EPS8L1: variants seen among roughly 807,000 people sequenced by gnomAD.
The protein encoded by EPS8L1 is EPS8 signaling adaptor L1.
In EPS8L1, 101 loss-of-function variants were observed where a neutral mutation model predicts 91.7. The ratio of observed to expected loss-of-function variants is 1.10; its 90% CI spans 0.94 to 1.30. The LOEUF (loss-of-function observed/expected upper bound fraction) is 1.30. EPS8L1 is among the 50% of genes most tolerant of loss of function. EPS8L1 has a pLI of 0.00. For missense variants in EPS8L1, 1,114 were observed against 1,017.0 expected, an observed-to-expected ratio of 1.10 and a Z score of -1.30; for synonymous variants, 506 against 445.3, an observed-to-expected ratio of 1.14 and a Z score of -1.72.
intron 11 of EPS8L1, 21 bp from the exon 12 acceptor site, chr19:55,082,433 C>A (rs747594420): frequency 8.1e-6 from 13 of 1,610,888 alleles, no homozygotes. Context: ...GCACAGCCTG[C>A]CCCTCCTGCT....
chr19:55,080,545 G>T (rs1165340884), intron 6 of EPS8L1: 1 of 1,612,336 alleles, frequency 6.2e-7, no homozygotes, highest in African/African-American at 1.3e-5. Context: ...GGACGAGGTG[G>T]GGGCGAGGAA....
chr19:55,082,018 C>T (rs763934234), intron 9 of EPS8L1, 74 bp from the exon 10 acceptor site: 6 of 1,550,562 alleles, frequency 3.9e-6, no homozygotes, highest in South Asian at 2.4e-5. Context: ...CCATCTTAAC[C>T]GGGTGTCCAC....
In EPS8L1 at chr19:55,082,600, C is replaced by T. The variant is rs1374606104; in HGVS notation, c.1212C>T (p.Pro404=). The change falls in exon 12 of 20, where the codon CCC becomes CCT. Residue 404 remains proline, a splice_region_variant and synonymous_variant. Transcript: ENST00000201647. ...CGCTGGGGGACTCGTGGACCCGCCCCGGGTGAGGGGCGGGGCTGGGAGGCA... is the reference window on the plus strand; with the variant it reads ...CGCTGGGGGACTCGTGGACCCGCCCTGGGTGAGGGGCGGGGCTGGGAGGCA... ...WTSLGDSWTR[P]GLELSPEEGP... is the part of the protein sequence containing the mutation. 6.4e-7 allele frequency: 1 copy of T among 1,559,962 alleles called. No homozygotes were observed. Among genetic ancestry groups the T allele is most frequent in the Non-Finnish European group, 8.7e-7 (1 of 1,152,876 alleles).
chr19:55,085,785 C>T, intron 14 of EPS8L1, 56 bp from the exon 15 acceptor site: 1 of 1,580,084 alleles, frequency 6.3e-7, no homozygotes, highest in Non-Finnish European at 8.6e-7. Flanking sequence ...CACCCTGCAG[C>T]CCAGAGCAAT....
chr19:55,085,713 T>C (rs2076345620), intron 14 of EPS8L1, 128 bp from the exon 15 acceptor site: 1 of 1,049,096 alleles, frequency 9.5e-7, no homozygotes, highest in Admixed American at 2.4e-5. Context: ...AAATTTCTAT[T>C]AACAGTATTA....
rs2076356230 is a variant in EPS8L1 at position 55,086,699 on chromosome 19, G to C, written c.1778-15G>C. The C allele has an allele frequency of 7.0e-7, 1 of 1,437,242 alleles. No individual in the cohort carries two copies. The highest frequency in any genetic ancestry group is 9.3e-7 in the Non-Finnish European group (1 of 1,071,208). The allele number at this position is 1,437,242 out of a possible 1,614,324, so 89.0% of individuals were successfully genotyped here. A position where few individuals can be genotyped will look rare whatever the true frequency, so the allele number is the denominator to read the frequency against. On this transcript the variant is annotated splice_polypyrimidine_tract_variant and intron_variant, in intron 17 of 19. Coordinates refer to ENST00000201647, the MANE Select transcript of EPS8L1 (RefSeq NM_133180.3). ...CTGAGCCCGCACTCCCTACCTCCCG[G>C]TTTCCCGCCTGCAGAGAAATTCTCC...
chr19:55,082,003 C>T (rs759109095), intron 9 of EPS8L1, 89 bp from the exon 10 acceptor site: 97 of 1,551,908 alleles, frequency 6.3e-5, no homozygotes, highest in Non-Finnish European at 8.0e-5. Flanking sequence ...GGGCTGACCT[C>T]ACCGCCATCT....
Position 55,081,836 on chromosome 19 carries a change from G to A in EPS8L1, c.838G>A (p.Glu280Lys), listed in dbSNP as rs1274672275. The A allele has an allele frequency of 6.2e-7, 1 of 1,612,612 alleles. No individual in the cohort carries two copies. The highest frequency in any genetic ancestry group is 1.7e-5 in the Admixed American group (1 of 59,976). The change falls in exon 9 of 20, where the codon GAG becomes AAG. Residue 280 changes from glutamate (E) to lysine (K), a missense_variant. Transcript: ENST00000201647. The surrounding 1 kb of genome is among the most constrained non-coding windows in gnomAD (Gnocchi z 4.9). ...SFVSRLQKSA[E>K]AARVLEHRER... Reference sequence around the variant, plus strand: ...TGTATCGAGGCTGCAGAAGTCGGCGGAGGCGGCCAGGGTGCTGGAGCACCG... The same window carrying A: ...TGTATCGAGGCTGCAGAAGTCGGCGAAGGCGGCCAGGGTGCTGGAGCACCG...
chr19:55,086,421 A>G lies in EPS8L1; in HGVS notation c.1680A>G (p.Pro560=), dbSNP rs755019627. Residue 560 remains proline, a synonymous_variant, in exon 17 of 20, where the codon CCA becomes CCG. Coordinates refer to ENST00000201647, the MANE Select transcript of EPS8L1 (RefSeq NM_133180.3). ...LNSTPPPPPA[P]APAPPPALAR... ...GCACTCCTCCTCCACCACCAGCCCC[A>G]GCCCCGGCCCCACCTCCAGCTCTGG... The G allele has an allele frequency of 6.4e-7, 1 of 1,560,368 alleles. No individual in the cohort carries two copies. The highest frequency in any genetic ancestry group is 8.7e-7 in the Non-Finnish European group (1 of 1,151,232).
chr19:55,076,664 C>T (rs2076141420), intron 2 of EPS8L1, among the ~76,000 whole-genome samples: 1 of 152,218 alleles, frequency 6.6e-6, no homozygotes, highest in Admixed American at 6.5e-5. Context: ...AGCAGACAGG[C>T]CTGAGCTCCA....
chr19:55,086,184 C>T lies in EPS8L1; in HGVS notation c.1642C>T (p.Arg548Cys), dbSNP rs752217086. ...GCTGCACCACAGCCAAAGCCCTGCC[C>T]GCAGCCTGGTGAGCCAGCGCAGACG... ...PRLHHSQSPARSLNSTPPPPP... is the reference protein window; with the variant it reads ...PRLHHSQSPACSLNSTPPPPP... Residue 548 changes from arginine (R) to cysteine (C), a missense_variant, in exon 16 of 20, where the codon CGC becomes TGC. Arg to Cys is a radical substitution (Grantham distance 180). Coordinates refer to ENST00000201647, the MANE Select transcript of EPS8L1 (RefSeq NM_133180.3). 1.1e-5 allele frequency: 18 copies of T among 1,596,398 alleles called. No individual in the cohort carries two copies. In the South Asian group the frequency reaches 1.8e-4, roughly 16 times the overall value.
At chr19:55,086,040 T>C in intron 15 of EPS8L1, 21 bp from the exon 16 acceptor site, 1 of 1,597,208 alleles carries the variant, frequency 6.3e-7, no homozygotes, top group Non-Finnish European at 8.6e-7. Context: ...CTCTGAACCC[T>C]CTGTTCTTTA....
chr19:55,082,323 C>G lies in EPS8L1; in HGVS notation c.1039C>G (p.His347Asp). 6.2e-7 allele frequency: 1 copy of G among 1,612,802 alleles called. No homozygotes were observed. Among genetic ancestry groups the G allele is most frequent in the Non-Finnish European group, 8.5e-7 (1 of 1,179,878 alleles). ...IADPSSPELL[H>D]FLFGPLQMIV... is the part of the protein sequence containing the mutation. ...CGACCCCTCCTCTCCGGAGCTGTTG[C>G]ACTTCCTTTTCGGGCCTCTGCAGAT... is the stretch of plus-strand genomic sequence containing the variant. The change falls in exon 11 of 20, where the codon CAC becomes GAC. Residue 347 changes from histidine to aspartate, a missense_variant. Physicochemically the swap from His to Asp is moderately conservative, Grantham distance 81 (BLOSUM62 -1). Coordinates refer to ENST00000201647, the MANE Select transcript of EPS8L1 (RefSeq NM_133180.3).
intron 18 of EPS8L1, 149 bp from the exon 19 acceptor site, chr19:55,087,154 G>A: frequency 8.0e-7 from 1 of 1,256,304 alleles, no homozygotes; most frequent in Non-Finnish European, 1.1e-6. Flanking sequence ...CATTGTGATT[G>A]GTGGGTGGGG....
rs1381381953 is a variant in EPS8L1 at position 55,086,336 on chromosome 19, G to A, written c.1651-56G>A. On this transcript the variant is annotated intron_variant, in intron 16 of 19. Transcript: ENST00000201647. The stretch of plus-strand genomic sequence containing the variant: ...GAAATGCATCTCCAGAAAGGGGAGA[G>A]GCTGGGACTCTGAGTCCTCTCCCTA... 1.9e-6 allele frequency: 3 copies of A among 1,604,544 alleles called. No homozygotes were observed. The Admixed American group carries it at 5.2e-5, about 28-fold the overall frequency.
intron 17 of EPS8L1, 79 bp from the exon 18 acceptor site, chr19:55,086,635 G>GCGCCC: frequency 6.9e-6 from 9 of 1,307,678 alleles, no homozygotes; most frequent in Non-Finnish European, 8.4e-6. Flanking sequence ...ACGCTGGAGC[G>GCGCCC]CCCCCCCGCC....
Position 55,083,999 on chromosome 19 carries a change from C to T in EPS8L1, c.1385+355C>T, listed in dbSNP as rs1232066134. 3.7e-6 allele frequency: 2 copies of T among 535,768 alleles called. No individual in the cohort carries two copies. The highest frequency in any genetic ancestry group is 6.7e-6 in the Non-Finnish European group (2 of 297,244). 33.2% of individuals were successfully genotyped at this position (535,768 alleles called of 1,614,324 possible). A position where few individuals can be genotyped will look rare whatever the true frequency, so the allele number is the denominator to read the frequency against. On this transcript the variant is annotated intron_variant, in intron 14 of 19. Transcript: ENST00000201647. This position sits in a 1 kb window ranked among gnomAD's most constrained non-coding sequence, Gnocchi z 4.7. ...TTCCCAGGGCCTGGGAAGCACCATG[C>T]CTGGGCTCCCTAGGAGGACAGAGCC... is the stretch of plus-strand genomic sequence containing the variant.
chr19:55,076,521 C>T, intron 2 of EPS8L1, 60 bp downstream of exon 2: 1 of 1,581,458 alleles, frequency 6.3e-7, no homozygotes, highest in Non-Finnish European at 8.6e-7. Context: ...CCCTCGCCTC[C>T]TCACCCACAC....
chr19:55,082,257 TC>T lies in EPS8L1; in HGVS notation c.991-15del. The stretch of plus-strand genomic sequence containing the variant: ...CGTCCCCGCACCCACGCCAACCACC[TC>T]CCTCCCCACGCCCCAGGCCCGGCTG... On this transcript the variant is annotated splice_polypyrimidine_tract_variant and intron_variant, in intron 10 of 19. Transcript: ENST00000201647. The T allele has an allele frequency of 6.2e-7, 1 of 1,606,644 alleles. No homozygotes were observed. The highest frequency in any genetic ancestry group is 1.1e-5 in the South Asian group (1 of 90,264).
Sources: allele counts gnomAD v4.1 joint callset (sites outside exome capture counted in the v4.1 genomes callset), GRCh38; gene constraint gnomAD v4.1.1; non-coding constraint Gnocchi (gnomAD v3.1); transcripts MANE v1.5; gene names NCBI Gene and HGNC (gene_info 2026-07-23, HGNC 2026-07-21).